Variants in MEMO1 observed in about 807,000 individuals in gnomAD.
MEMO1 encodes the protein protein MEMO1.
A neutral mutation model predicts 45.2 loss-of-function variants in MEMO1; 6 were observed. That is an observed-to-expected ratio of 0.13 (90% CI 0.07 to 0.26). The LOEUF (loss-of-function observed/expected upper bound fraction) is 0.26, where lower values mean the gene tolerates loss of function less well. Ranked by LOEUF, MEMO1 falls within the 10% of genes least tolerant of loss-of-function variation. The pLI is 1.00. For missense variants in MEMO1, 184 were observed against 370.5 expected (o/e 0.50, Z 4.13); for synonymous variants, 78 against 124.3 (o/e 0.63, Z 2.48).
intron 6 of MEMO1, among the ~76,000 whole-genome samples, chr2:31,911,442 T>A (rs1173500953): frequency 6.6e-6 from 1 of 152,186 alleles, no homozygotes; most frequent in Non-Finnish European, 1.5e-5. Context: ...TATGGTATTA[T>A]AACAACAGAG....
At chr2:31,990,194 C>G (rs1407505019) in intron 2 of MEMO1, among the ~76,000 whole-genome samples, 1 of 152,112 alleles carries the variant, frequency 6.6e-6, no homozygotes, top group Non-Finnish European at 1.5e-5. Context: ...ATGCTTCAAG[C>G]AAAACAACAT....
At chr2:31,873,155 T>C (rs919575925) in intron 8 of MEMO1, among the ~76,000 whole-genome samples, 2 of 152,124 alleles carry the variant, frequency 1.3e-5, no homozygotes, top group Non-Finnish European at 2.9e-5. Context: ...AAGTCTAAAG[T>C]CCAGGCAATG....
intron 2 of MEMO1, among the ~76,000 whole-genome samples, chr2:31,947,304 G>A (rs750864774): frequency 1.2e-4 from 18 of 152,246 alleles, no homozygotes; most frequent in African/African-American, 2.9e-4. Flanking sequence ...TCCCAAGGAC[G>A]CTAAGGTAAG....
chr2:31,889,228 T>G (rs1676594911), intron 7 of MEMO1, among the ~76,000 whole-genome samples: 1 of 152,042 alleles, frequency 6.6e-6, no homozygotes, highest in African/African-American at 2.4e-5. Flanking sequence ...TGTGTGTAGC[T>G]GAGTAATTTT....
chr2:31,890,791 A>G (rs1008962922), intron 7 of MEMO1, among the ~76,000 whole-genome samples: 3 of 152,024 alleles, frequency 2.0e-5, no homozygotes, highest in Admixed American at 2.0e-4. Flanking sequence ...GCTACCCTGG[A>G]CTCTACTCAT....
At chr2:31,906,905 C>CT (rs1209716275) in intron 6 of MEMO1, among the ~76,000 whole-genome samples, 6 of 152,134 alleles carry the variant, frequency 3.9e-5, no homozygotes, top group African/African-American at 1.4e-4. Context: ...GGACCAATAT[C>CT]TAGCTATAAA....
At chr2:31,990,571 CTTTTTTTTT>C (rs34456440) in intron 2 of MEMO1, among the ~76,000 whole-genome samples, 1 of 119,998 alleles carries the variant, frequency 8.3e-6, no homozygotes, top group Non-Finnish European at 1.8e-5. Flanking sequence ...AATTTTTTTT[CTTTTTTTTT>C]TTTTTTTTTG....
chr2:31,954,651 G>A (rs969844007), intron 2 of MEMO1, among the ~76,000 whole-genome samples: 2 of 151,948 alleles, frequency 1.3e-5, no homozygotes, highest in Non-Finnish European at 2.9e-5. Flanking sequence ...TGACCAACAT[G>A]GTGAAACTCC....
intron 3 of MEMO1, among the ~76,000 whole-genome samples, chr2:31,933,970 C>T (rs1405068699): frequency 6.6e-6 from 1 of 152,140 alleles, no homozygotes; most frequent in Non-Finnish European, 1.5e-5. Context: ...GTGCCTGAGA[C>T]GTCACTGCTC....
At chr2:32,007,098 C>G (rs1674188352) in intron 2 of MEMO1, among the ~76,000 whole-genome samples, 1 of 152,122 alleles carries the variant, frequency 6.6e-6, no homozygotes. Context: ...CTGAGTAAGT[C>G]CAGTCCCAAT....
intron 6 of MEMO1, among the ~76,000 whole-genome samples, chr2:31,903,681 G>C (rs568143819): frequency 6.6e-6 from 1 of 152,216 alleles, no homozygotes; most frequent in East Asian, 1.9e-4. Context: ...TACAGAAAAA[G>C]AGGAAACTGA....
At chr2:31,943,230 A>T in intron 3 of MEMO1, 72 bp downstream of exon 3, 2 of 1,120,408 alleles carry the variant, frequency 1.8e-6, no homozygotes, top group Non-Finnish European at 2.7e-6. Context: ...ATGCCACTGT[A>T]CTTCAGCCTG....
At chr2:31,928,465 T>C (rs1370810483) in intron 4 of MEMO1, among the ~76,000 whole-genome samples, 1 of 151,380 alleles carries the variant, frequency 6.6e-6, no homozygotes. Flanking sequence ...GAGAATCACT[T>C]GAACTCAGGA....
intron 6 of MEMO1, among the ~76,000 whole-genome samples, chr2:31,903,012 T>C (rs1390760811): frequency 6.6e-6 from 1 of 152,144 alleles, no homozygotes; most frequent in Admixed American, 6.5e-5. Context: ...GGTTTATTAA[T>C]TTGTGGTATA....
intron 2 of MEMO1, 40 bp downstream of exon 2, chr2:32,010,147 C>A: frequency 8.6e-7 from 1 of 1,160,568 alleles, no homozygotes; most frequent in Non-Finnish European, 1.1e-6. Context: ...TGGGGCCAGG[C>A]GGCGACGGCG....
chr2:31,905,010 G>C (rs1203158173), intron 6 of MEMO1, among the ~76,000 whole-genome samples: 2 of 152,196 alleles, frequency 1.3e-5, no homozygotes, highest in African/African-American at 2.4e-5. Context: ...AAGGTGGGCA[G>C]ATTCCTTGAG....
In MEMO1 at chr2:31,923,787, C is replaced by A. The variant is rs59055862; in HGVS notation, c.213-2877G>T. 6.1e-5 allele frequency: 91 copies of A among 1,495,690 alleles called. No individual in the cohort carries two copies. In the African/African-American group the frequency reaches 1.2e-3, roughly 19 times the overall value. 92.7% of individuals were successfully genotyped at this position (1,495,690 alleles called of 1,614,324 possible). A position where few individuals can be genotyped will look rare whatever the true frequency, so the allele number is the denominator to read the frequency against. Reference sequence around the variant, plus strand: ...GATTTTTAAAATAACAATCTAAATTCAAGGCATACATAAATTTCCTAAGTA... The same window carrying A: ...GATTTTTAAAATAACAATCTAAATTAAAGGCATACATAAATTTCCTAAGTA... On this transcript the variant is annotated intron_variant, in intron 4 of 9. Transcript: ENST00000404530.
chr2:31,957,975 C>T (rs1195072995), intron 2 of MEMO1, among the ~76,000 whole-genome samples: 1 of 152,126 alleles, frequency 6.6e-6, no homozygotes, highest in African/African-American at 2.4e-5. Flanking sequence ...GATTTAGCAA[C>T]CATAAGATGC....
At chr2:31,889,684 A>C (rs1472802190) in intron 7 of MEMO1, among the ~76,000 whole-genome samples, 2 of 152,066 alleles carry the variant, frequency 1.3e-5, no homozygotes, top group Non-Finnish European at 2.9e-5. Context: ...CAATTTTGGA[A>C]TATTATCTAT....
Sources: gnomAD v4.1 joint callset for allele counts (sites outside exome capture counted in the v4.1 genomes callset) on GRCh38, gnomAD v4.1.1 for gene constraint, MANE v1.5 for transcripts, NCBI Gene and HGNC (gene_info 2026-07-23, HGNC 2026-07-21) for gene names.